Variants in NBPF26 observed in about 807,000 individuals in gnomAD.
NBPF26 encodes the protein NBPF member 26, also known as NBPF family member NBPF26.
A neutral mutation model predicts 119.6 loss-of-function variants in NBPF26; 79 were observed. That is an observed-to-expected ratio of 0.66 (90% CI 0.55 to 0.80). NBPF26 has a LOEUF of 0.80. Ranked by LOEUF, NBPF26 falls within the 30% of genes least tolerant of loss-of-function variation. The probability of loss-of-function intolerance (pLI) is 0.00; values close to 1 mark genes in which losing one functional copy is unlikely to be tolerated. For synonymous variants in NBPF26, 299 were observed against 457.7 expected (o/e 0.65, Z 4.43); for missense variants, 800 against 1,198.2 (o/e 0.67, Z 4.91).
chr1:120,733,300 TATC>T (rs1414476431), intron 1 of NBPF26, among the ~76,000 whole-genome samples: 1 of 76,720 alleles, frequency 1.3e-5, no homozygotes, highest in Non-Finnish European at 2.2e-5. Context: ...TGTTTTTTCA[TATC>T]ATCAGTGGCG....
chr1:120,816,883 T>G, intron 14 of NBPF26, 56 bp downstream of exon 14: 1 of 1,450,602 alleles, frequency 6.9e-7, no homozygotes, highest in East Asian at 2.3e-5. Context: ...GAAGATAAAC[T>G]CTGAAGACAG....
chr1:120,814,912 G>T lies in NBPF26; in HGVS notation c.1961G>T (p.Arg654Leu), dbSNP rs1553271558. The stretch of plus-strand genomic sequence containing the variant: ...TTGCGGGAAGGGAGAGATGCCTCCC[G>T]CTCATTGAATGAGCATCTCCAGGCC... The change falls in exon 12 of 30, where the codon CGC (arginine) becomes CTC (leucine). Residue 654 changes from arginine to leucine, a missense_variant. Around this residue, in one of 13 missense-constraint regions of NBPF26, gnomAD observed 22 missense variants for 33.0 expected, o/e 0.67. Transcript: ENST00000620612. 5.8e-5 allele frequency: 70 copies of T among 1,214,036 alleles called. 14 individuals carry two copies. In the Admixed American group the frequency reaches 6.0e-4, roughly 10 times the overall value. 75.2% of individuals were successfully genotyped at this position (1,214,036 alleles called of 1,614,324 possible). A position where few individuals can be genotyped will look rare whatever the true frequency, so the allele number is the denominator to read the frequency against.
In NBPF26 at chr1:120,784,930, C is replaced by A. The variant is rs1351718686; in HGVS notation, c.156-44C>A. ...GTTTTACTGTAATTTTTTGGACTTA[C>A]AAGAAGTCAGGTGTTTTCATGGACT... On this transcript the variant is annotated intron_variant, in intron 2 of 29. Coordinates refer to ENST00000620612, the Ensembl canonical transcript of NBPF26. 2.7e-5 allele frequency: 32 copies of A among 1,184,284 alleles called. 11 individuals are homozygous for A. The Admixed American group carries it at 5.9e-4, about 22-fold the overall frequency. The allele number at this position is 1,184,284 out of a possible 1,614,324, so 73.4% of individuals were successfully genotyped here. A position where few individuals can be genotyped will look rare whatever the true frequency, so the allele number is the denominator to read the frequency against.
Position 120,810,610 on chromosome 1 carries a change from C to G in NBPF26, c.1564+52C>G. 3.0e-6 allele frequency: 4 copies of G among 1,349,804 alleles called. No individual in the cohort carries two copies. In the Middle Eastern group the frequency reaches 7.8e-4, roughly 264 times the overall value. The allele number at this position is 1,349,804 out of a possible 1,614,324, so 83.6% of individuals were successfully genotyped here. A position where few individuals can be genotyped will look rare whatever the true frequency, so the allele number is the denominator to read the frequency against. ...TACCTCTGTCTAGGCTATGGAAGGT[C>G]AATTCTGAGGACAGGCTGTATATAC... On this transcript the variant is annotated intron_variant, in intron 9 of 29. Transcript: ENST00000620612.
At position 120,785,132 on chromosome 1, in the gene NBPF26, C is replaced by A. The variant is rs1303277456; in HGVS notation, c.314C>A (p.Thr105Lys). Residue 105 changes from threonine to lysine, a missense_variant, in exon 3 of 30, where the codon ACA becomes AAA. Physicochemically the swap from Thr to Lys is moderately conservative, Grantham distance 78. This residue lies in a region of NBPF26 where 209 missense variants were observed against 285.2 expected (regional missense o/e 0.73). Coordinates refer to ENST00000620612, the Ensembl canonical transcript of NBPF26. Reference sequence around the variant, plus strand: ...ACAGGAGAGGACTGCCAGTACTCGACACCTCATCCATGCTTTGTGTCTCGA... The same window carrying A: ...ACAGGAGAGGACTGCCAGTACTCGAAACCTCATCCATGCTTTGTGTCTCGA... The A allele has an allele frequency of 9.0e-6, 13 of 1,446,564 alleles. 3 individuals carry two copies. The highest frequency in any genetic ancestry group is 1.2e-5 in the Non-Finnish European group (13 of 1,082,422). 89.6% of individuals were successfully genotyped at this position (1,446,564 alleles called of 1,614,324 possible).
At chr1:120,781,995 CT>C (rs1651368219) in intron 2 of NBPF26, among the ~76,000 whole-genome samples, 2 of 99,956 alleles carry the variant, frequency 2.0e-5, no homozygotes, top group African/African-American at 6.5e-5. Context: ...TAGTTAAGTA[CT>C]TAGAAAATAT....
chr1:120,805,667 C>T lies in NBPF26; in HGVS notation c.863C>T (p.Pro288Leu). The change falls in exon 5 of 30, where the codon CCC (proline) becomes CTC (leucine). Residue 288 changes from proline (P) to leucine (L), a missense_variant. Physicochemically the swap from Pro to Leu is moderately conservative, Grantham distance 98. Coordinates refer to ENST00000620612, the Ensembl canonical transcript of NBPF26. ...CTAGAAATCAACGAGACATTGCGCC[C>T]CCAGCTGCCAGAGAACAAACAGCAG... 3 of 1,457,974 alleles carry T rather than the reference C, an allele frequency of 2.1e-6. 1 individual carries two copies. The highest frequency in any genetic ancestry group is 4.5e-5 in the East Asian group (2 of 44,408). The allele number at this position is 1,457,974 out of a possible 1,614,324, so 90.3% of individuals were successfully genotyped here.
At position 120,723,954 on chromosome 1, in the gene NBPF26, TC is replaced by T. The variant is rs1650781598; in HGVS notation, c.-222del. On this transcript the variant is annotated 5_prime_UTR_variant, in exon 1 of 30. Transcript: ENST00000620612. ...CACCCGAGAAAGTTTCAGCCAAACT[TC>T]CGGCGGCGGCTGAGGCGGCGGCCGA... 32 of 785,714 alleles carry T rather than the reference TC, an allele frequency of 4.1e-5. 7 individuals are homozygous for T. The highest frequency in any genetic ancestry group is 3.5e-5 in the East Asian group (1 of 28,784). The allele number at this position is 785,714 out of a possible 1,614,324, so 48.7% of individuals were successfully genotyped here.
At chr1:120,812,940 A>C (rs1466650214) in intron 10 of NBPF26, among the ~76,000 whole-genome samples, 4 of 117,556 alleles carry the variant, frequency 3.4e-5, no homozygotes, top group African/African-American at 1.4e-4. Flanking sequence ...TAATAATAAT[A>C]ATAATAATAA....
In NBPF26 at chr1:120,765,117, T is replaced by C. The variant is rs1396397022; in HGVS notation, c.155+1408T>C. 4.1e-4 allele frequency among the ~76,000 whole-genome samples: 48 copies of C among 117,170 alleles called. 11 individuals are homozygous for C. Among genetic ancestry groups the C allele is most frequent in the African/African-American group, 2.2e-3 (47 of 21,810 alleles). The allele number at this position is 117,170 out of a possible 152,430, so 76.9% of individuals were successfully genotyped here. A position where few individuals can be genotyped will look rare whatever the true frequency, so the allele number is the denominator to read the frequency against. ...ATAAAGATAACATTGGAAATAAAGG[T>C]TTTATGTAGCTTATTATGAGCTGCT... On this transcript the variant is annotated intron_variant, in intron 2 of 29. Transcript: ENST00000620612.
chr1:120,840,691 C>G, downstream of NBPF26: 7 of 1,325,466 alleles, frequency 5.3e-6, 2 homozygotes, highest in East Asian at 4.6e-5. Context: ...GAAGCCCAGA[C>G]ATAGGATGGT....
chr1:120,785,175 C>T lies in NBPF26; in HGVS notation c.357C>T (p.Gly119=). The change falls in exon 3 of 30, where the codon GGC becomes GGT. Residue 119 remains glycine (G), a synonymous_variant. Coordinates refer to ENST00000620612, the Ensembl canonical transcript of NBPF26. ...TGTCTCGACCTTGCCTGAATGGCGGCACATGCCATATGCTCAGCCGGGATA... is the reference window on the plus strand; with the variant it reads ...TGTCTCGACCTTGCCTGAATGGCGGTACATGCCATATGCTCAGCCGGGATA... 1.2e-5 allele frequency: 18 copies of T among 1,445,434 alleles called. 5 individuals are homozygous for T. In the South Asian group the frequency reaches 2.2e-4, roughly 17 times the overall value. The allele number at this position is 1,445,434 out of a possible 1,614,324, so 89.5% of individuals were successfully genotyped here.
intron 17 of NBPF26, among the ~76,000 whole-genome samples, chr1:120,823,733 C>A (rs1652182342): frequency 1.1e-5 from 1 of 94,538 alleles, no homozygotes; most frequent in Non-Finnish European, 2.0e-5. Flanking sequence ...TGTCACCTGA[C>A]CAATTCACTG....
Position 120,822,051 on chromosome 1 carries a change from C to T in NBPF26, c.2424-53C>T. ...CAGATCATCTGGGAGGTTTTGTTGT[C>T]TAAAGTCTGTTGGTTAAATCTTCTG... is the stretch of plus-strand genomic sequence containing the variant. On this transcript the variant is annotated intron_variant, in intron 15 of 29. Transcript: ENST00000620612. 7 of 1,446,912 alleles carry T rather than the reference C, an allele frequency of 4.8e-6. 2 individuals are homozygous for T. Among genetic ancestry groups the T allele is most frequent in the Non-Finnish European group, 6.5e-6 (7 of 1,082,358 alleles). The allele number at this position is 1,446,912 out of a possible 1,614,324, so 89.6% of individuals were successfully genotyped here. A position where few individuals can be genotyped will look rare whatever the true frequency, so the allele number is the denominator to read the frequency against.
chr1:120,806,564 G>C (rs2101492444), intron 5 of NBPF26, among the ~76,000 whole-genome samples: 1 of 125,446 alleles, frequency 8.0e-6, no homozygotes, highest in South Asian at 2.4e-4. Flanking sequence ...TTGAACTCCA[G>C]CATGGGTGAC....
intron 5 of NBPF26, among the ~76,000 whole-genome samples, chr1:120,807,050 G>A (rs1651710686): frequency 7.7e-6 from 1 of 129,796 alleles, no homozygotes; most frequent in Non-Finnish European, 1.6e-5. Context: ...AAAGTATTTG[G>A]GCATATTTCC....
intron 2 of NBPF26, among the ~76,000 whole-genome samples, chr1:120,778,465 G>A (rs1408437985): frequency 0.75 from 80,596 of 107,836 alleles, 34,976 homozygotes; most frequent in Non-Finnish European, 0.77. Context: ...TTTCCCCTTC[G>A]TTCCACATTC....
In NBPF26 at chr1:120,811,470, G is replaced by A. The variant is rs1553270971; in HGVS notation, c.1565-416G>A. On this transcript the variant is annotated intron_variant, in intron 9 of 29. Transcript: ENST00000620612. ...TGAGGGATGAGAATCACTTGAACCC[G>A]GGCGGCAGAGGTGGCAGTGAGCTGA... is the stretch of plus-strand genomic sequence containing the variant. 3.6e-5 allele frequency among the ~76,000 whole-genome samples: 4 copies of A among 111,604 alleles called. 2 individuals are homozygous for A. The highest frequency in any genetic ancestry group is 2.1e-4 in the African/African-American group (4 of 19,046). The allele number at this position is 111,604 out of a possible 152,430, so 73.2% of individuals were successfully genotyped here.
At chr1:120,808,070 C>T (rs1553270404) in intron 6 of NBPF26, among the ~76,000 whole-genome samples, 75,361 of 107,856 alleles carry the variant, frequency 0.7, 30,747 homozygotes, top group Non-Finnish European at 0.77. Context: ...TGACTGACTG[C>T]GGCTTCTCAT....
Sources: allele counts gnomAD v4.1 joint callset (sites outside exome capture counted in the v4.1 genomes callset), GRCh38; gene constraint gnomAD v4.1.1; regional missense constraint gnomAD v4.1.1; transcripts MANE v1.5; gene names NCBI Gene and HGNC (gene_info 2026-07-23, HGNC 2026-07-21).